Variants in TNNI3K observed in about 807,000 individuals in gnomAD.
TNNI3K encodes serine/threonine-protein kinase TNNI3K.
Under a neutral mutation model 114.5 loss-of-function variants are expected in TNNI3K, and 140 were observed. The observed-to-expected ratio is 1.22, with a 90% CI of 1.07 to 1.41. The LOEUF is 1.41. TNNI3K is among the 40% of genes most tolerant of loss of function. The pLI, the probability that TNNI3K is intolerant of heterozygous loss-of-function variation, is 0.00. For missense variants in TNNI3K, 1,125 were observed against 1,007.6 expected, an observed-to-expected ratio of 1.12 and a Z score of -1.58; for synonymous variants, 347 against 347.5, an observed-to-expected ratio of 1.00 and a Z score of 0.02.
chr1:74,453,617 A>T (rs1667114789), intron 20 of TNNI3K, among the ~76,000 whole-genome samples: 1 of 152,168 alleles, frequency 6.6e-6, no homozygotes, highest in Non-Finnish European at 1.5e-5. Flanking sequence ...CACAAGTGAT[A>T]GGGATACATT....
intron 2 of TNNI3K, among the ~76,000 whole-genome samples, chr1:74,241,552 GT>G: frequency 6.6e-6 from 1 of 152,086 alleles, no homozygotes; most frequent in East Asian, 1.9e-4. Flanking sequence ...ATTTTTTCAT[GT>G]GTCTTTTGGC....
chr1:74,467,467 G>C (rs1424598348), intron 21 of TNNI3K, among the ~76,000 whole-genome samples: 5 of 151,740 alleles, frequency 3.3e-5, no homozygotes, highest in Non-Finnish European at 7.4e-5. Context: ...GTCTATTGAA[G>C]ATGGGAGAAG....
At position 74,288,551 on chromosome 1, in the gene TNNI3K, T is replaced by C. The variant is rs541208836; in HGVS notation, c.444+16843T>C. ...CAAATGCTTCATGATCTCACTTACA[T>C]GTAAAATCTTAAAGCCTTAAAATTA... On this transcript the variant is annotated intron_variant, in intron 5 of 24. Coordinates refer to ENST00000326637, the MANE Select transcript of TNNI3K (RefSeq NM_015978.3). Among the ~76,000 whole-genome samples, 3 of 152,210 alleles carry C rather than the reference T, an allele frequency of 2.0e-5. No homozygotes were observed. In the East Asian group the frequency reaches 5.8e-4, roughly 29 times the overall value.
chr1:74,542,581 G>A (rs573935002), intron 24 of TNNI3K, among the ~76,000 whole-genome samples: 1 of 152,294 alleles, frequency 6.6e-6, no homozygotes, highest in East Asian at 1.9e-4. Flanking sequence ...ATCACTATCA[G>A]TGGCATTTTC....
chr1:74,354,976 GTTA>G (rs1661575233), intron 11 of TNNI3K, among the ~76,000 whole-genome samples: 1 of 152,094 alleles, frequency 6.6e-6, no homozygotes, highest in Non-Finnish European at 1.5e-5. Context: ...CTTTGTAATT[GTTA>G]TTGAGATATA....
intron 17 of TNNI3K, among the ~76,000 whole-genome samples, chr1:74,406,653 G>A (rs1404187625): frequency 2.6e-5 from 4 of 152,156 alleles, no homozygotes; most frequent in Non-Finnish European, 5.9e-5. Context: ...TGTAACCTGA[G>A]TTACCTATGC....
chr1:74,533,681 G>T (rs1428740407), intron 23 of TNNI3K, among the ~76,000 whole-genome samples: 1 of 150,984 alleles, frequency 6.6e-6, no homozygotes, highest in Non-Finnish European at 1.5e-5. Context: ...AACAATGATA[G>T]ACTGGATTAA....
intron 17 of TNNI3K, among the ~76,000 whole-genome samples, chr1:74,383,976 A>G (rs1663340517): frequency 6.6e-6 from 1 of 152,128 alleles, no homozygotes. Flanking sequence ...GTAATCCAAA[A>G]TATAGGAATG....
chr1:74,358,699 G>T (rs1278481678), intron 11 of TNNI3K, among the ~76,000 whole-genome samples: 2 of 151,940 alleles, frequency 1.3e-5, no homozygotes, highest in Non-Finnish European at 2.9e-5. Flanking sequence ...AGGAATCCAT[G>T]TGTGAATTTT....
intron 17 of TNNI3K, among the ~76,000 whole-genome samples, chr1:74,425,373 C>T (rs1665586845): frequency 6.6e-6 from 1 of 151,936 alleles, no homozygotes; most frequent in Admixed American, 6.6e-5. Flanking sequence ...TGGAGTAACA[C>T]TAAAAGGGAA....
At chr1:74,457,256 T>C (rs758356571) in intron 20 of TNNI3K, among the ~76,000 whole-genome samples, 2 of 152,172 alleles carry the variant, frequency 1.3e-5, no homozygotes, top group Non-Finnish European at 2.9e-5. Context: ...TCTATGAATA[T>C]AGCTGATATT....
chr1:74,453,620 G>A (rs1667114926), intron 20 of TNNI3K, among the ~76,000 whole-genome samples: 1 of 152,110 alleles, frequency 6.6e-6, no homozygotes, highest in East Asian at 1.9e-4. Context: ...AAGTGATAGG[G>A]ATACATTCAG....
rs1326210296 is a variant in TNNI3K at position 74,392,113 on chromosome 1, A to G, written c.1772+21721A>G. Among the ~76,000 whole-genome samples, 8 of 152,018 alleles carry G rather than the reference A, an allele frequency of 5.3e-5. No homozygotes were observed. The South Asian group carries it at 8.3e-4, about 16-fold the overall frequency. On this transcript the variant is annotated intron_variant, in intron 17 of 24. Transcript: ENST00000326637. ...CCCAAGTTGACTTCACAATAAGTTT[A>G]TCAAGATATTAAATGCACTGTCCAC...
intron 5 of TNNI3K, among the ~76,000 whole-genome samples, chr1:74,292,448 A>G (rs1397336744): frequency 1.3e-5 from 2 of 151,534 alleles, no homozygotes; most frequent in Non-Finnish European, 3.0e-5. Flanking sequence ...CTTCTACTAG[A>G]AATTCTTTTT....
intron 21 of TNNI3K, among the ~76,000 whole-genome samples, chr1:74,465,940 C>G (rs926388332): frequency 1.3e-5 from 2 of 152,202 alleles, no homozygotes; most frequent in Non-Finnish European, 2.9e-5. Flanking sequence ...CAGCAGTAAG[C>G]CACTCTGGTC....
intron 24 of TNNI3K, chr1:74,541,397 A>G (rs1646724987): frequency 6.6e-6 from 1 of 152,240 alleles, no homozygotes; most frequent in Non-Finnish European, 1.5e-5. Flanking sequence ...TAGAATGCAG[A>G]TGAGTGCTTT....
chr1:74,437,355 A>G (rs1331444203), intron 19 of TNNI3K, among the ~76,000 whole-genome samples: 2 of 152,004 alleles, frequency 1.3e-5, no homozygotes, highest in East Asian at 1.9e-4. Flanking sequence ...TCTCATTCCT[A>G]TGGAGCTAAT....
Position 74,236,115 on chromosome 1 carries a change from A to C in TNNI3K, c.54A>C (p.Lys18Asn). The C allele has an allele frequency of 6.2e-7, 1 of 1,605,990 alleles. No homozygotes were observed. Among genetic ancestry groups the C allele is most frequent in the Non-Finnish European group, 8.5e-7 (1 of 1,175,136 alleles). ...CTTCTTTACTAGATGAATGGAAGAA[A>C]AAAGTCAGTGAATCATATGTTATCA... ...PTQTCTDEWK[K>N]KVSESYVITI... The change falls in exon 2 of 25, where the codon AAA becomes AAC. Residue 18 changes from lysine to asparagine, a missense_variant. Physicochemically the swap from Lys to Asn is moderately conservative, Grantham distance 94. Coordinates refer to ENST00000326637, the MANE Select transcript of TNNI3K (RefSeq NM_015978.3).
intron 23 of TNNI3K, among the ~76,000 whole-genome samples, chr1:74,514,460 TCTA>T: frequency 6.6e-6 from 1 of 152,346 alleles, no homozygotes; most frequent in East Asian, 1.9e-4. Context: ...GCTGTTGTTC[TCTA>T]CTATCTAACA....
Sources: allele counts gnomAD v4.1 joint callset (sites outside exome capture counted in the v4.1 genomes callset), GRCh38; gene constraint gnomAD v4.1.1; transcripts MANE v1.5; gene names NCBI Gene and HGNC (gene_info 2026-07-23, HGNC 2026-07-21).